Variants in DDC observed in about 807,000 individuals in gnomAD.
DDC encodes aromatic-L-amino-acid decarboxylase.
A neutral mutation model predicts 60.0 loss-of-function variants in DDC; 43 were observed. That is an observed-to-expected ratio of 0.72 (90% CI 0.56 to 0.92). The LOEUF (loss-of-function observed/expected upper bound fraction) is 0.92, where lower values mean the gene tolerates loss of function less well. DDC is among the 40% of genes least tolerant of loss of function. The pLI is 0.00. For synonymous variants in DDC, 232 were observed against 234.6 expected (o/e 0.99, Z 0.10); for missense variants, 573 against 620.2 (o/e 0.92, Z 0.81).
chr7:50,473,042 ACATTCAAGGTGGGAAT>A (rs1470087855), intron 11 of DDC, among the ~76,000 whole-genome samples: 3 of 152,208 alleles, frequency 2.0e-5, no homozygotes, highest in Non-Finnish European at 4.4e-5. Flanking sequence ...CCTGGAATTC[ACATTCAAGGTGGGAAT>A]CATAGAGGAG....
intron 1 of DDC, among the ~76,000 whole-genome samples, chr7:50,555,461 C>A (rs1315418614): frequency 2.0e-5 from 3 of 152,146 alleles, no homozygotes; most frequent in Non-Finnish European, 4.4e-5. Flanking sequence ...AAAGCCAAGG[C>A]AGAACCCCTG....
intron 14 of DDC, among the ~76,000 whole-genome samples, chr7:50,462,482 T>C (rs2042300134): frequency 6.6e-6 from 1 of 152,166 alleles, no homozygotes; most frequent in Admixed American, 6.5e-5. Context: ...AGAAGCCCGG[T>C]AGTCGAAACA....
chr7:50,475,936 C>T (rs2042633760), intron 11 of DDC, among the ~76,000 whole-genome samples: 1 of 152,132 alleles, frequency 6.6e-6, no homozygotes, highest in Admixed American at 6.6e-5. Flanking sequence ...ATGATCCACC[C>T]ACCTCAGCCT....
intron 9 of DDC, among the ~76,000 whole-genome samples, chr7:50,489,675 A>G (rs868542108): frequency 6.6e-6 from 1 of 152,202 alleles, no homozygotes; most frequent in South Asian, 2.1e-4. Flanking sequence ...CTATCAGAGT[A>G]TCACAGAAGA....
chr7:50,542,279 G>GC (rs2044658260), intron 2 of DDC: 1 of 152,150 alleles, frequency 6.6e-6, no homozygotes, highest in African/African-American at 2.4e-5. Flanking sequence ...AGCGCCCGGG[G>GC]CCCAGGAGAG....
intron 9 of DDC, chr7:50,492,979 C>T (rs760944117): frequency 6.3e-7 from 1 of 1,598,310 alleles, no homozygotes; most frequent in Non-Finnish European, 8.5e-7. Context: ...TTTCTTCAGC[C>T]TTAACATACG....
intron 9 of DDC, chr7:50,492,932 C>T: frequency 1.9e-6 from 3 of 1,597,908 alleles, no homozygotes; most frequent in East Asian, 2.2e-5. Flanking sequence ...TCCCGAAAGG[C>T]TCAACTCCTT....
intron 11 of DDC, among the ~76,000 whole-genome samples, chr7:50,471,577 T>A (rs577366698): frequency 6.6e-6 from 1 of 152,162 alleles, no homozygotes; most frequent in Admixed American, 6.5e-5. Context: ...CCCTGCCCGG[T>A]GTGTTGACAC....
At chr7:50,481,235 A>G (rs13228083) in intron 9 of DDC, among the ~76,000 whole-genome samples, 1 of 152,360 alleles carries the variant, frequency 6.6e-6, no homozygotes, top group African/African-American at 2.4e-5. Context: ...AAAGACAGAC[A>G]AAGTCAGTAG....
chr7:50,477,711 C>T (rs2042678086), intron 10 of DDC: 5 of 330,420 alleles, frequency 1.5e-5, no homozygotes, highest in South Asian at 1.1e-4. Context: ...ATGAGTGACC[C>T]TGAGATGGAA....
chr7:50,462,053 G>T (rs980874460), intron 14 of DDC, among the ~76,000 whole-genome samples: 3 of 151,866 alleles, frequency 2.0e-5, no homozygotes, highest in African/African-American at 7.3e-5. Flanking sequence ...AAAATCAACA[G>T]CAAAGAAGAT....
chr7:50,555,904 A>C (rs1313799935), intron 1 of DDC, among the ~76,000 whole-genome samples: 1 of 152,216 alleles, frequency 6.6e-6, no homozygotes, highest in African/African-American at 2.4e-5. Flanking sequence ...ACACAGGTAC[A>C]GAGCATCTCT....
At chr7:50,511,226 T>C (rs983059772) in intron 6 of DDC, among the ~76,000 whole-genome samples, 2 of 151,564 alleles carry the variant, frequency 1.3e-5, no homozygotes, top group African/African-American at 2.4e-5. Context: ...GTTATATGTA[T>C]GTGTGTACAT....
At chr7:50,508,285 T>C (rs141279480) in intron 6 of DDC, among the ~76,000 whole-genome samples, 3 of 152,226 alleles carry the variant, frequency 2.0e-5, no homozygotes, top group Non-Finnish European at 2.9e-5. Context: ...CATTGCTCAA[T>C]GACGCTAACC....
At chr7:50,553,394 C>T (rs1413924343) in intron 1 of DDC, among the ~76,000 whole-genome samples, 1 of 152,040 alleles carries the variant, frequency 6.6e-6, no homozygotes, top group African/African-American at 2.4e-5. Context: ...CCCCCTCAAG[C>T]ATATACTTAT....
At chr7:50,510,165 A>T (rs532876494) in intron 6 of DDC, among the ~76,000 whole-genome samples, 86 of 151,922 alleles carry the variant, frequency 5.7e-4, no homozygotes, top group Non-Finnish European at 8.5e-4. Context: ...TCAGTAGAGA[A>T]GGGGTTTCAC....
chr7:50,540,402 C>T (rs558561822), intron 2 of DDC, among the ~76,000 whole-genome samples: 13 of 152,188 alleles, frequency 8.5e-5, no homozygotes, highest in Admixed American at 3.3e-4. Context: ...TCAGTGAAGG[C>T]GCTGCCCCAA....
At chr7:50,479,395 C>T (rs971337900) in intron 10 of DDC, among the ~76,000 whole-genome samples, 3 of 152,336 alleles carry the variant, frequency 2.0e-5, no homozygotes, top group Middle Eastern at 3.4e-3. Context: ...TTTACTTTGC[C>T]CCCTCATGGT....
intron 8 of DDC, among the ~76,000 whole-genome samples, chr7:50,497,801 T>C (rs999316315): frequency 3.3e-5 from 5 of 152,216 alleles, no homozygotes; most frequent in South Asian, 2.1e-4. Flanking sequence ...CAAGTAATTA[T>C]TGAATGAATG....
Sources: allele counts gnomAD v4.1 joint callset (sites outside exome capture counted in the v4.1 genomes callset), GRCh38; gene constraint gnomAD v4.1.1; transcripts MANE v1.5; gene names NCBI Gene and HGNC (gene_info 2026-07-23, HGNC 2026-07-21).